RARB: variants seen among roughly 807,000 people sequenced by gnomAD.
RARB encodes the protein HBV-activated protein.
A neutral mutation model predicts 51.9 loss-of-function variants in RARB; 17 were observed. That is an observed-to-expected ratio of 0.33 (90% confidence interval 0.22 to 0.49). The LOEUF (loss-of-function observed/expected upper bound fraction) is 0.49. Among genes scored for constraint, RARB ranks in the 20% least tolerant of loss-of-function variants. The probability of loss-of-function intolerance (pLI) is 0.99; values close to 1 mark genes in which losing one functional copy is unlikely to be tolerated. For missense variants in RARB, 369 were observed against 550.8 expected (o/e 0.67, Z 3.30); for synonymous variants, 215 against 195.4 (o/e 1.10, Z -0.84).
At chr3:25,547,327 A>C (rs1699657285) in intron 3 of RARB, among the ~76,000 whole-genome samples, 1 of 152,194 alleles carries the variant, frequency 6.6e-6, no homozygotes. Flanking sequence ...CTGTACATGA[A>C]AACCCAAGGC....
intron 5 of RARB, 25 bp from the exon 6 acceptor site, chr3:25,593,478 T>A (rs1302975303): frequency 6.3e-7 from 1 of 1,582,638 alleles, no homozygotes. Context: ...GCTTAGAACA[T>A]CCATCAATTT....
At chr3:25,435,846 G>T (rs1485118663) in intron 1 of RARB, among the ~76,000 whole-genome samples, 1 of 152,224 alleles carries the variant, frequency 6.6e-6, no homozygotes, top group East Asian at 1.9e-4. Flanking sequence ...ACATTTCTCT[G>T]TTGCTTTGCA....
At chr3:25,393,152 C>G (rs11710506) in intron 5 of RARB, among the ~76,000 whole-genome samples, 25,723 of 151,982 alleles carry the variant, frequency 0.17, 2,450 homozygotes, top group Admixed American at 0.3. Context: ...ATGACCATGT[C>G]ATTGTTGTTT....
chr3:25,420,075 G>T (rs1357459096), intron 5 of RARB, among the ~76,000 whole-genome samples: 1 of 152,006 alleles, frequency 6.6e-6, no homozygotes, highest in Non-Finnish European at 1.5e-5. Context: ...ACTTAACATT[G>T]TATTCACATT....
At chr3:25,386,163 A>G (rs1298622728) in intron 5 of RARB, among the ~76,000 whole-genome samples, 1 of 152,170 alleles carries the variant, frequency 6.6e-6, no homozygotes, top group African/African-American at 2.4e-5. Context: ...CCACAGAAAG[A>G]GGGCATCTAA....
chr3:25,260,875 C>T (rs540354476), intron 5 of RARB, among the ~76,000 whole-genome samples: 22 of 152,102 alleles, frequency 1.4e-4, no homozygotes, highest in East Asian at 3.9e-4. Flanking sequence ...CATTGGCTCA[C>T]GTATGGAGAA....
chr3:25,119,074 A>G lies in RARB; in HGVS notation c.-327-13087A>G, dbSNP rs551893324. ...CCAATATCCCAGGATGTTTAAGCCT[A>G]GGAACAGTAAATCTTTATTATTTTT... is the stretch of plus-strand genomic sequence containing the variant. On this transcript the variant is annotated intron_variant, in intron 3 of 11. Transcript: ENST00000383772. 5.3e-5 allele frequency among the ~76,000 whole-genome samples: 8 copies of G among 152,334 alleles called. 1 individual carries two copies. In the South Asian group the frequency reaches 1.7e-3, roughly 32 times the overall value.
chr3:25,333,472 A>G (rs1206858561), intron 5 of RARB, among the ~76,000 whole-genome samples: 2 of 152,024 alleles, frequency 1.3e-5, no homozygotes, highest in East Asian at 1.9e-4. Context: ...CTGGCTAGCC[A>G]TATGTAGAAA....
At chr3:25,185,504 C>A (rs950295546) in intron 5 of RARB, among the ~76,000 whole-genome samples, 18 of 151,980 alleles carry the variant, frequency 1.2e-4, no homozygotes, top group African/African-American at 4.3e-4. Flanking sequence ...AATTGGCCAA[C>A]CAAAAAGAAG....
At chr3:25,503,603 G>T (rs1697420646) in intron 3 of RARB, among the ~76,000 whole-genome samples, 1 of 152,072 alleles carries the variant, frequency 6.6e-6, no homozygotes. Flanking sequence ...TAAAAATATA[G>T]AAATGGGAAG....
intron 1 of RARB, among the ~76,000 whole-genome samples, chr3:25,442,116 T>TTTTTTTTATTTATTTATTTA (rs370911783): frequency 6.8e-6 from 1 of 147,744 alleles, no homozygotes; most frequent in African/African-American, 2.5e-5. Context: ...TTTATTTTAT[T>TTTTTTTTATTTATTTATTTA]TTTATTTATT....
intron 5 of RARB, among the ~76,000 whole-genome samples, chr3:25,236,810 T>C (rs559283899): frequency 6.6e-6 from 1 of 151,986 alleles, no homozygotes; most frequent in South Asian, 2.1e-4. Flanking sequence ...TTATTAAGAG[T>C]GCTAGGAACT....
At chr3:25,292,071 T>C (rs1019225409) in intron 5 of RARB, among the ~76,000 whole-genome samples, 1 of 151,782 alleles carries the variant, frequency 6.6e-6, no homozygotes, top group African/African-American at 2.4e-5. Context: ...CAAACCTTGA[T>C]AGAGATTAAT....
chr3:24,982,348 T>G (rs565250362), intron 2 of RARB, among the ~76,000 whole-genome samples: 1 of 152,338 alleles, frequency 6.6e-6, no homozygotes, highest in African/African-American at 2.4e-5. Flanking sequence ...TCTACATCTT[T>G]TCTCAGAGTG....
intron 5 of RARB, among the ~76,000 whole-genome samples, chr3:25,372,265 A>G (rs1195784642): frequency 1.3e-5 from 2 of 152,156 alleles, no homozygotes; most frequent in South Asian, 2.1e-4. Flanking sequence ...GGCCTGTCCT[A>G]TGTATTGTAG....
At chr3:24,938,636 A>G (rs140990473) in intron 2 of RARB, among the ~76,000 whole-genome samples, 9 of 152,328 alleles carry the variant, frequency 5.9e-5, no homozygotes, top group African/African-American at 2.2e-4. Context: ...AAGCACGCTC[A>G]CAGTGTTGAA....
chr3:24,863,120 G>C (rs190773910), intron 2 of RARB, among the ~76,000 whole-genome samples: 6 of 152,326 alleles, frequency 3.9e-5, no homozygotes, highest in Non-Finnish European at 7.4e-5. Context: ...TTGATGGGGT[G>C]ATGGCAGCCA....
intron 2 of RARB, among the ~76,000 whole-genome samples, chr3:24,960,277 G>T (rs1696109620): frequency 6.7e-6 from 1 of 149,650 alleles, no homozygotes; most frequent in Non-Finnish European, 1.5e-5. Flanking sequence ...TGTATCTTAT[G>T]AAATTGGTGT....
At chr3:24,896,486 C>G (rs1703482110) in intron 2 of RARB, among the ~76,000 whole-genome samples, 2 of 152,018 alleles carry the variant, frequency 1.3e-5, no homozygotes, top group Non-Finnish European at 2.9e-5. Context: ...GTCTCGATCT[C>G]CTGACCTCCT....
Sources: allele counts gnomAD v4.1 joint callset (sites outside exome capture counted in the v4.1 genomes callset), GRCh38; gene constraint gnomAD v4.1.1; transcripts MANE v1.5; gene names NCBI Gene and HGNC (gene_info 2026-07-23, HGNC 2026-07-21).